The following ASPM variants were observed in gnomAD, a reference collection of about 807,000 sequenced individuals.
The protein encoded by ASPM is assembly factor for spindle microtubules.
Under a neutral mutation model 366.4 loss-of-function variants are expected in ASPM, and 256 were observed. The ratio of observed to expected loss-of-function variants is 0.70; its 90% CI spans 0.63 to 0.77. ASPM has a LOEUF of 0.77. ASPM is among the 30% of genes least tolerant of loss of function. The pLI, the probability that ASPM is intolerant of heterozygous loss-of-function variation, is 0.00. For missense variants in ASPM, 4,146 were observed against 4,090.4 expected (o/e 1.01, Z -0.37); for synonymous variants, 1,414 against 1,342.9 (o/e 1.05, Z -1.16).
chr1:197,090,356 T>C lies in ASPM; in HGVS notation c.9669A>G (p.Lys3223=), dbSNP rs1413619774. The C allele has an allele frequency of 1.2e-6, 2 of 1,611,798 alleles. No homozygotes were observed. Residue 3223 remains lysine (K), a synonymous_variant, in exon 24 of 28, where the codon AAA becomes AAG. Transcript: ENST00000367409. ...TAGCTTTAATTTTTGTACAATCATT[T>C]TTCTTCCTCCAAGAATAGCCTCTCC... is the stretch of plus-strand genomic sequence containing the variant. ...ALWRGYSWRK[K]NDCTKIKAIR...
chr1:197,141,895 C>G (rs1172685896), intron 3 of ASPM, among the ~76,000 whole-genome samples: 19 of 152,116 alleles, frequency 1.2e-4, no homozygotes, highest in Non-Finnish European at 2.9e-5. Context: ...TTACTTGCCT[C>G]TCACATAGGC....
In ASPM at chr1:197,104,928, T is replaced by C. The variant is rs1199411022; in HGVS notation, c.4323A>G (p.Ser1441=). ...GCAATATTACTGTAGCTTTTACTTGTGATTGCATTTTACGTTGCTTCCATT... is the reference window on the plus strand; with the variant it reads ...GCAATATTACTGTAGCTTTTACTTGCGATTGCATTTTACGTTGCTTCCATT... ...FRKWKQRKMQ[S]QVKATVILQR... is the part of the protein sequence containing the mutation. The change falls in exon 18 of 28, where the codon TCA becomes TCG. Residue 1441 remains serine, a synonymous_variant. Coordinates refer to ENST00000367409, the MANE Select transcript of ASPM (RefSeq NM_018136.5). The C allele has an allele frequency of 4.3e-6, 7 of 1,612,328 alleles. No individual in the cohort carries two copies. Among genetic ancestry groups the C allele is most frequent in the African/African-American group, 2.7e-5 (2 of 74,940 alleles).
chr1:197,142,542 T>C lies in ASPM; in HGVS notation c.1710A>G (p.Ser570=), dbSNP rs1658621122. The part of the protein sequence containing the change: ...NEVTPSSTTA[S]VARKRKSDGS... ...CATCGCTCTTTCTTTTCCGAGCAACTGAAGCTGTTGTCGAAGAGGGTGTTA... is the reference window on the plus strand; with the variant it reads ...CATCGCTCTTTCTTTTCCGAGCAACCGAAGCTGTTGTCGAAGAGGGTGTTA... Residue 570 remains serine, a synonymous_variant, in exon 3 of 28, where the codon TCA becomes TCG. Coordinates refer to ENST00000367409, the MANE Select transcript of ASPM (RefSeq NM_018136.5). 4 of 1,613,928 alleles carry C rather than the reference T, an allele frequency of 2.5e-6. No individual in the cohort carries two copies. Among genetic ancestry groups the C allele is most frequent in the Non-Finnish European group, 3.4e-6 (4 of 1,179,888 alleles).
At chr1:197,145,866 A>G (rs1280436119) in intron 1 of ASPM, among the ~76,000 whole-genome samples, 1 of 136,640 alleles carries the variant, frequency 7.3e-6, no homozygotes, top group African/African-American at 2.6e-5. Flanking sequence ...ATATATATAT[A>G]TAATATTGAC....
In ASPM at chr1:197,144,862, G is replaced by C. The variant is rs1308195802; in HGVS notation, c.298-762C>G. Among the ~76,000 whole-genome samples the C allele has an allele frequency of 2.0e-5, 3 of 152,086 alleles. No homozygotes were observed. The South Asian group carries it at 6.2e-4, about 32-fold the overall frequency. ...ACAGACAAGTTTCTGTTTTAAAGGA[G>C]AAATAATATAACATCATAAACAACT... On this transcript the variant is annotated intron_variant, in intron 1 of 27. Transcript: ENST00000367409.
chr1:197,142,635 T>A lies in ASPM; in HGVS notation c.1617A>T (p.Glu539Asp), dbSNP rs748366963. 6.2e-7 allele frequency: 1 copy of A among 1,612,094 alleles called. No individual in the cohort carries two copies. Among genetic ancestry groups the A allele is most frequent in the Non-Finnish European group, 8.5e-7 (1 of 1,178,530 alleles). Residue 539 changes from glutamate to aspartate, a missense_variant, in exon 3 of 28, where the codon GAA becomes GAT. Coordinates refer to ENST00000367409, the MANE Select transcript of ASPM (RefSeq NM_018136.5). Reference protein sequence around the residue: ...EKVINNQKEKEDFHSYLPIID... With the variant: ...EKVINNQKEKDDFHSYLPIID... ...TAATTGGAAGATAAGAATGAAAATCTTCTTTTTCCTTTTGATTATTTATTA... is the reference window on the plus strand; with the variant it reads ...TAATTGGAAGATAAGAATGAAAATCATCTTTTTCCTTTTGATTATTTATTA...
chr1:197,096,021 G>T lies in ASPM; in HGVS notation c.8964C>A (p.Phe2988Leu). 2 of 1,608,984 alleles carry T rather than the reference G, an allele frequency of 1.2e-6. No homozygotes were observed. The highest frequency in any genetic ancestry group is 1.7e-6 in the Non-Finnish European group (2 of 1,176,342). ...ACCGTGTTCTCTCTAGTTTGGTATA[G>T]AAGCAACCTTGAATAATTTTAACAG... ...LKAVKIIQGC[F>L]YTKLERTRFL... Residue 2988 changes from phenylalanine (F) to leucine (L), a missense_variant, in exon 19 of 28, where the codon TTC (phenylalanine) becomes TTA (leucine). Around this residue, in one of 3 missense-constraint regions of ASPM, gnomAD observed 3,624 missense variants for 3,591.7 expected, o/e 1.01. Transcript: ENST00000367409.
At position 197,122,523 on chromosome 1, in the gene ASPM, A is replaced by G. The variant is rs779269357; in HGVS notation, c.3463T>C (p.Tyr1155His). ...CYLIHHYHPC[Y>H]VPFDAICQRT... ...TGACATATAGCGTCAAATGGCACAT[A>G]GCAAGGATGGTAATGGTGGATCAGG... The change falls in exon 14 of 28, where the codon TAT becomes CAT. Residue 1155 changes from tyrosine (Y) to histidine (H), a missense_variant. Coordinates refer to ENST00000367409, the MANE Select transcript of ASPM (RefSeq NM_018136.5). 1 of 1,613,584 alleles carries G rather than the reference A, an allele frequency of 6.2e-7. No homozygotes were observed. Among genetic ancestry groups the G allele is most frequent in the East Asian group, 2.2e-5 (1 of 44,868 alleles).
intron 26 of ASPM, among the ~76,000 whole-genome samples, chr1:197,087,355 C>T (rs551628878): frequency 2.6e-5 from 4 of 152,208 alleles, no homozygotes; most frequent in Admixed American, 1.3e-4. Context: ...GGATTACAGG[C>T]GTGAGCCACC....
Position 197,144,042 on chromosome 1 carries a change from C to G in ASPM, c.356G>C (p.Arg119Thr), listed in dbSNP as rs779884988. Residue 119 changes from arginine to threonine, a missense_variant, in exon 2 of 28, where the codon AGA becomes ACA. Physicochemically the swap from Arg to Thr is moderately conservative, Grantham distance 71. Transcript: ENST00000367409. ...ATTTACAAGAAATGTCATAATCTCTCTTACTCGGCCTTCTTTGAGTGGTGT... is the reference window on the plus strand; with the variant it reads ...ATTTACAAGAAATGTCATAATCTCTGTTACTCGGCCTTCTTTGAGTGGTGT... ...NWTPLKEGRV[R>T]EIMTFLVNDV... 1 of 1,610,848 alleles carries G rather than the reference C, an allele frequency of 6.2e-7. No homozygotes were observed. The highest frequency in any genetic ancestry group is 1.7e-4 in the Middle Eastern group (1 of 6,048).
rs768382077 is a variant in ASPM, at chr1:197,142,434, G to A, written c.1818C>T (p.Pro606=). The A allele has an allele frequency of 7.4e-6, 12 of 1,613,880 alleles. No individual in the cohort carries two copies. The highest frequency in any genetic ancestry group is 1.0e-5 in the Non-Finnish European group (12 of 1,179,838). The part of the protein sequence containing the change: ...VREIKRIHFS[P]SEPKTSAVKK... ...TAACAGCTGATGTTTTAGGCTCTGA[G>A]GGAGAAAAATGGATTCTTTTGATTT... is the stretch of plus-strand genomic sequence containing the variant. Residue 606 remains proline, a synonymous_variant, in exon 3 of 28, where the codon CCC becomes CCT. Transcript: ENST00000367409.
rs80238010 is a variant in ASPM, at chr1:197,104,168, G to A, written c.5083C>T (p.Arg1695Cys). 4.9e-3 allele frequency: 7,873 copies of A among 1,612,578 alleles called. 313 individuals are homozygous for A. The African/African-American group carries it at 0.089, about 18-fold the overall frequency. The change falls in exon 18 of 28, where the codon CGT becomes TGT. Residue 1695 changes from arginine (R) to cysteine (C), a missense_variant. Coordinates refer to ENST00000367409, the MANE Select transcript of ASPM (RefSeq NM_018136.5). Reference sequence around the variant, plus strand: ...GCTCTTAAATGCAAATATTGTTTACGTGTTTGTTTCATCTTAACAGTTGAC... The same window carrying A: ...GCTCTTAAATGCAAATATTGTTTACATGTTTGTTTCATCTTAACAGTTGAC... ...LQSTVKMKQT[R>C]KQYLHLRAAA...
At chr1:197,096,712 TAAG>T (rs1471304913) in intron 18 of ASPM, among the ~76,000 whole-genome samples, 2 of 151,744 alleles carry the variant, frequency 1.3e-5, no homozygotes, top group Non-Finnish European at 2.9e-5. Context: ...AACTAAGCAC[TAAG>T]AAGATTAGTC....
chr1:197,124,996 A>G, intron 11 of ASPM, 41 bp from the exon 12 acceptor site: 1 of 1,607,002 alleles, frequency 6.2e-7, no homozygotes, highest in Non-Finnish European at 8.5e-7. Flanking sequence ...ATGTACGCAC[A>G]TATCAATATT....
intron 27 of ASPM, among the ~76,000 whole-genome samples, chr1:197,084,824 C>T (rs186683541): frequency 1.3e-5 from 2 of 152,306 alleles, no homozygotes; most frequent in East Asian, 3.9e-4. Flanking sequence ...TCCTTCAATT[C>T]TACCTCAACC....
intron 17 of ASPM, among the ~76,000 whole-genome samples, chr1:197,115,166 C>T (rs1657705498): frequency 6.6e-6 from 1 of 152,294 alleles, no homozygotes; most frequent in South Asian, 2.1e-4. Context: ...GAATGAGCTA[C>T]CACACTTGGC....
rs143733126 is a variant in ASPM, at chr1:197,104,027, A to G, written c.5224T>C (p.Tyr1742His). 3.6e-4 allele frequency: 587 copies of G among 1,612,832 alleles called. 11 individuals are homozygous for G. The Admixed American group carries it at 9.7e-3, about 27-fold the overall frequency. ...CIKLQAFVRG[Y>H]LVRKQMRLQR... is the part of the protein sequence containing the mutation. ...AACCTCATCTGCTTTCGGACAAGGT[A>G]TCCTCTAACAAATGCTTGCAGTTTG... Residue 1742 changes from tyrosine to histidine, a missense_variant, in exon 18 of 28, where the codon TAC (tyrosine) becomes CAC (histidine). By Grantham distance (83) the Tyr-to-His change is moderately conservative. This residue lies in a region of ASPM where 3,624 missense variants were observed against 3,591.7 expected (regional missense o/e 1.01). Coordinates refer to ENST00000367409, the MANE Select transcript of ASPM (RefSeq NM_018136.5).
intron 18 of ASPM, among the ~76,000 whole-genome samples, chr1:197,097,222 C>G (rs1225572598): frequency 6.6e-6 from 1 of 151,704 alleles, no homozygotes; most frequent in Non-Finnish European, 1.5e-5. Flanking sequence ...GACAGATAAT[C>G]TCAAGTTGTA....
intron 17 of ASPM, among the ~76,000 whole-genome samples, chr1:197,117,497 T>C (rs1018986818): frequency 4.6e-5 from 7 of 151,982 alleles, no homozygotes; most frequent in African/African-American, 1.7e-4. Flanking sequence ...ATCTACAAAG[T>C]AGAATGGTTC....
Sources: allele counts gnomAD v4.1 joint callset (sites outside exome capture counted in the v4.1 genomes callset), GRCh38; gene constraint gnomAD v4.1.1; regional missense constraint gnomAD v4.1.1; transcripts MANE v1.5; gene names NCBI Gene and HGNC (gene_info 2026-07-23, HGNC 2026-07-21).